Variants in RBFOX1 observed in about 807,000 individuals in gnomAD.
RBFOX1 encodes the protein RNA binding fox-1 homolog 1, also known as RNA binding protein fox-1 homolog 1.
In RBFOX1, 8 loss-of-function variants were observed where a neutral mutation model predicts 57.7. The ratio of observed to expected loss-of-function variants is 0.14; its 90% CI spans 0.08 to 0.25. RBFOX1 has a LOEUF of 0.25. Among genes scored for constraint, RBFOX1 ranks in the 10% least tolerant of loss-of-function variants. The probability of loss-of-function intolerance (pLI) is 1.00; values close to 1 mark genes in which losing one functional copy is unlikely to be tolerated. For synonymous variants in RBFOX1, 326 were observed against 222.4 expected, an observed-to-expected ratio of 1.47 and a Z score of -4.15; for missense variants, 611 against 548.5, an observed-to-expected ratio of 1.11 and a Z score of -1.14.
chr16:6,633,867 C>G (rs187525402), intron 2 of RBFOX1, among the ~76,000 whole-genome samples: 1 of 152,144 alleles, frequency 6.6e-6, no homozygotes, highest in East Asian at 1.9e-4. Context: ...ATAAATTAGC[C>G]ATGCATGGTG....
At chr16:6,301,967 C>G (rs983817390) in intron 1 of RBFOX1, among the ~76,000 whole-genome samples, 4 of 152,120 alleles carry the variant, frequency 2.6e-5, no homozygotes, top group African/African-American at 9.7e-5. Context: ...GCCCCAATAT[C>G]AAACTCAGGG....
At chr16:6,581,455 G>A (rs1403746632) in intron 2 of RBFOX1, among the ~76,000 whole-genome samples, 1 of 152,162 alleles carries the variant, frequency 6.6e-6, no homozygotes, top group Non-Finnish European at 1.5e-5. Flanking sequence ...GTTGGCTGTT[G>A]TTTTGGGAAA....
intron 4 of RBFOX1, among the ~76,000 whole-genome samples, chr16:7,333,910 T>C (rs557168598): frequency 7.9e-5 from 12 of 152,270 alleles, no homozygotes; most frequent in African/African-American, 2.9e-4. Context: ...CTTTTTGTTG[T>C]TATAATTAGT....
chr16:7,140,721 T>C (rs1016027276), intron 4 of RBFOX1, among the ~76,000 whole-genome samples: 3 of 152,134 alleles, frequency 2.0e-5, no homozygotes, highest in Admixed American at 6.5e-5. Flanking sequence ...TTATTGGAAC[T>C]GGGAGTGAGA....
rs146053780 is a variant in RBFOX1 at position 5,976,423 on chromosome 16, C to T, written c.351+109088C>T. 3.2e-4 allele frequency among the ~76,000 whole-genome samples: 49 copies of T among 152,286 alleles called. 1 individual carries two copies. The highest frequency in any genetic ancestry group is 1.1e-3 in the African/African-American group (46 of 41,544). On this transcript the variant is annotated intron_variant, in intron 4 of 19. Coordinates refer to the RBFOX1 transcript ENST00000641259. Reference sequence around the variant, plus strand: ...AAACGCTAATTACCAAACTATTTGGCCTTAGAACCCCTTTTGTTTTAGGGT... The same window carrying T: ...AAACGCTAATTACCAAACTATTTGGTCTTAGAACCCCTTTTGTTTTAGGGT...
At chr16:5,727,090 T>G (rs2052180698) in intron 3 of RBFOX1, among the ~76,000 whole-genome samples, 1 of 152,110 alleles carries the variant, frequency 6.6e-6, no homozygotes, top group African/African-American at 2.4e-5. Context: ...AAAACCCTGT[T>G]TCTGCTAAAA....
In RBFOX1 at chr16:6,492,558, G is replaced by A. The variant is rs2095657217; in HGVS notation, c.-63-162045G>A. On this transcript the variant is annotated intron_variant, in intron 2 of 15. Coordinates refer to ENST00000550418, the MANE Select transcript of RBFOX1 (RefSeq NM_018723.4). ...CACTACAGCCTGGGTGACAGAGTGA[G>A]ACTCCATCTCAAAAATAAATAAATA... is the stretch of plus-strand genomic sequence containing the variant. Among the ~76,000 whole-genome samples the A allele has an allele frequency of 2.6e-5, 4 of 152,006 alleles. No homozygotes were observed. The South Asian group carries it at 8.3e-4, about 32-fold the overall frequency.
At chr16:7,660,747 G>A (rs1005274740) in intron 12 of RBFOX1, among the ~76,000 whole-genome samples, 2 of 152,170 alleles carry the variant, frequency 1.3e-5, no homozygotes, top group East Asian at 1.9e-4. Context: ...GCTGTCATCC[G>A]GATCTATTCA....
chr16:6,789,554 A>T (rs73530767), intron 3 of RBFOX1, among the ~76,000 whole-genome samples: 1 of 152,180 alleles, frequency 6.6e-6, no homozygotes, highest in Admixed American at 6.5e-5. Flanking sequence ...TGCACTCAAT[A>T]GGCGCCATTT....
At chr16:6,040,759 A>C (rs2095428057) in intron 1 of RBFOX1, among the ~76,000 whole-genome samples, 1 of 151,908 alleles carries the variant, frequency 6.6e-6, no homozygotes, top group Non-Finnish European at 1.5e-5. Context: ...CATGCCTGGC[A>C]AATTTTTTGT....
At chr16:5,591,135 C>T (rs761775697) in intron 2 of RBFOX1, among the ~76,000 whole-genome samples, 6 of 151,662 alleles carry the variant, frequency 4.0e-5, no homozygotes, top group Admixed American at 1.3e-4. Flanking sequence ...TAAAAAGTAT[C>T]GGGTAGCATA....
intron 1 of RBFOX1, among the ~76,000 whole-genome samples, chr16:5,387,850 G>A (rs1031166718): frequency 1.3e-5 from 2 of 152,162 alleles, no homozygotes; most frequent in African/African-American, 4.8e-5. Flanking sequence ...TTGTCCCAGC[G>A]GGATTGATGT....
chr16:6,483,050 A>ACCG (rs2095397874), intron 2 of RBFOX1: 1 of 804,778 alleles, frequency 1.2e-6, no homozygotes. Flanking sequence ...GCGGCGAGAT[A>ACCG]CCGCAGCCAG....
At chr16:7,676,991 C>CAAGT in intron 14 of RBFOX1, among the ~76,000 whole-genome samples, 153 bp downstream of exon 14, 1 of 152,116 alleles carries the variant, frequency 6.6e-6, no homozygotes, top group South Asian at 2.1e-4. Flanking sequence ...GAACTCAAGT[C>CAAGT]CCCATAGAGA....
At chr16:5,969,298 CTTTTTTTTTTTTTTTT>C (rs71142659) in intron 4 of RBFOX1, among the ~76,000 whole-genome samples, 1 of 83,750 alleles carries the variant, frequency 1.2e-5, no homozygotes, top group African/African-American at 4.6e-5. Flanking sequence ...TTCGGTTGTT[CTTTTTTTTTTTTTTTT>C]TTTTTTTTTG....
chr16:5,848,340 T>G (rs2056808146), intron 3 of RBFOX1, among the ~76,000 whole-genome samples: 1 of 152,198 alleles, frequency 6.6e-6, no homozygotes, highest in African/African-American at 2.4e-5. Flanking sequence ...ATGTCTTGTT[T>G]TCTGGCTCTG....
chr16:7,126,395 T>C, intron 4 of RBFOX1: 1 of 243,034 alleles, frequency 4.1e-6, no homozygotes, highest in Non-Finnish European at 8.4e-6. Context: ...TCCTGACTAC[T>C]TTACTGTGAA....
At chr16:5,971,817 C>G (rs1320525121) in intron 4 of RBFOX1, among the ~76,000 whole-genome samples, 2 of 152,154 alleles carry the variant, frequency 1.3e-5, no homozygotes, top group African/African-American at 4.8e-5. Flanking sequence ...AAATATTATT[C>G]TGCATGCTTC....
At chr16:6,431,905 C>T (rs1225453645) in intron 2 of RBFOX1, among the ~76,000 whole-genome samples, 1 of 87,060 alleles carries the variant, frequency 1.1e-5, no homozygotes, top group African/African-American at 4.1e-5. Flanking sequence ...TGCTTTCTTT[C>T]TTTCTTTCTT....
Sources: gnomAD v4.1 joint callset for allele counts (sites outside exome capture counted in the v4.1 genomes callset) on GRCh38, gnomAD v4.1.1 for gene constraint, MANE v1.5 for transcripts, NCBI Gene and HGNC (gene_info 2026-07-23, HGNC 2026-07-21) for gene names.